The following ERRFI1 variants were observed in gnomAD, a reference collection of about 807,000 sequenced individuals.
ERRFI1 encodes mitogen-inducible gene 6 protein.
A neutral mutation model predicts 14.6 loss-of-function variants in ERRFI1; 12 were observed. The observed-to-expected ratio is 0.82, with a 90% CI of 0.53 to 1.33. The LOEUF is 1.33. Ranked by LOEUF, ERRFI1 falls within the 40% of genes most tolerant of loss-of-function variation. ERRFI1 has a pLI of 0.00. For missense variants in ERRFI1, 482 were observed against 572.1 expected, an observed-to-expected ratio of 0.84 and a Z score of 1.61; for synonymous variants, 202 against 209.9, an observed-to-expected ratio of 0.96 and a Z score of 0.32.
At chr1:8,019,672 A>G (rs1641249393) in intron 1 of ERRFI1, among the ~76,000 whole-genome samples, 1 of 152,260 alleles carries the variant, frequency 6.6e-6, no homozygotes, top group Admixed American at 6.5e-5. Context: ...GCAGATTTAT[A>G]AAGGATAAAG....
rs1342474922 is a variant in ERRFI1 at position 8,015,637 on chromosome 1, C to T, written c.-18G>A. ...ATTGACATTGTGCCTTATTCTGGGA[C>T]ATCTCCAAACCTGTGAGGCCCAGGC... is the stretch of plus-strand genomic sequence containing the variant. On this transcript the variant is annotated 5_prime_UTR_variant, in exon 2 of 4. An upstream start codon of the reference 5' UTR is lost. Coordinates refer to ENST00000377482, the MANE Select transcript of ERRFI1 (RefSeq NM_018948.4). 4 of 1,613,854 alleles carry T rather than the reference C, an allele frequency of 2.5e-6. No individual in the cohort carries two copies. The highest frequency in any genetic ancestry group is 3.4e-6 in the Non-Finnish European group (4 of 1,179,904).
At position 8,013,791 on chromosome 1, in the gene ERRFI1, G is replaced by A. The variant is rs1435227023; in HGVS notation, c.808C>T (p.His270Tyr). 1.9e-6 allele frequency: 3 copies of A among 1,614,022 alleles called. No individual in the cohort carries two copies. The highest frequency in any genetic ancestry group is 2.5e-6 in the Non-Finnish European group (3 of 1,180,034). The change falls in exon 4 of 4, where the codon CAC becomes TAC. Residue 270 changes from histidine (H) to tyrosine (Y), a missense_variant. By Grantham distance (83) the His-to-Tyr change is moderately conservative (BLOSUM62 2). Transcript: ENST00000377482. The surrounding 1 kb of genome is among the most constrained non-coding windows in gnomAD (Gnocchi z 4.3). The part of the protein sequence containing the change: ...PAIRISNCCI[H>Y]RASPNSDEDK... ...TCATCGGAGTTAGGAGAAGCTCTGT[G>A]TATACAACAGTTGGATATCCTTATG...
At position 8,013,566 on chromosome 1, in the gene ERRFI1, C is replaced by A. The variant is rs1310945323; in HGVS notation, c.1033G>T (p.Val345Phe). The A allele has an allele frequency of 2.5e-6, 4 of 1,614,110 alleles. No individual in the cohort carries two copies. Among genetic ancestry groups the A allele is most frequent in the Non-Finnish European group, 3.4e-6 (4 of 1,180,028 alleles). The change falls in exon 4 of 4, where the codon GTC becomes TTC. Residue 345 changes from valine (V) to phenylalanine (F), a missense_variant. Transcript: ENST00000377482. This position sits in a 1 kb window ranked among gnomAD's most constrained non-coding sequence, Gnocchi z 4.3. ...PKSLPSYLNG[V>F]MPPTQSFAPD... ...GCAAAGCTCTGTGTCGGGGGCATGA[C>A]CCCATTGAGGTAAGACGGAAGGCTT...
chr1:8,016,546 C>A (rs561945092), intron 1 of ERRFI1, among the ~76,000 whole-genome samples: 1 of 152,320 alleles, frequency 6.6e-6, no homozygotes, highest in Middle Eastern at 3.4e-3. Context: ...GACCGCCAAT[C>A]CCCTTTGTCA....
intron 1 of ERRFI1, among the ~76,000 whole-genome samples, chr1:8,024,541 C>T (rs901077683): frequency 6.6e-6 from 1 of 152,170 alleles, no homozygotes; most frequent in Admixed American, 6.5e-5. Context: ...AGAGTGCCTA[C>T]CCTTAAGGAG....
intron 1 of ERRFI1, among the ~76,000 whole-genome samples, chr1:8,023,109 A>C (rs1215625320): frequency 5.3e-5 from 8 of 152,200 alleles, no homozygotes; most frequent in African/African-American, 1.9e-4. Context: ...TAAGAGTCAG[A>C]AGACAATTCT....
At chr1:8,023,175 G>C (rs1464586004) in intron 1 of ERRFI1, among the ~76,000 whole-genome samples, 1 of 152,126 alleles carries the variant, frequency 6.6e-6, no homozygotes, top group African/African-American at 2.4e-5. Context: ...TTCACATCTG[G>C]GGTATTGAAT....
chr1:8,026,035 C>T (rs980906824), intron 1 of ERRFI1, 123 bp downstream of exon 1: 1 of 151,660 alleles, frequency 6.6e-6, no homozygotes, highest in African/African-American at 2.4e-5. Context: ...CCTCCCCGCG[C>T]CCTCCACGCC....
chr1:8,025,551 G>A (rs750916775), intron 1 of ERRFI1, among the ~76,000 whole-genome samples: 18 of 152,138 alleles, frequency 1.2e-4, no homozygotes, highest in Admixed American at 6.6e-5. Flanking sequence ...GACCGCCAGA[G>A]AACCGGTACC....
chr1:8,026,101 G>A (rs1233988126), intron 1 of ERRFI1, 57 bp downstream of exon 1: 4 of 151,708 alleles, frequency 2.6e-5, no homozygotes, highest in African/African-American at 7.3e-5. Flanking sequence ...GGGGCCCCCT[G>A]AGGGAACGGA....
At chr1:8,017,986 TTTC>T (rs1289080825) in intron 1 of ERRFI1, among the ~76,000 whole-genome samples, 5 of 152,190 alleles carry the variant, frequency 3.3e-5, no homozygotes, top group African/African-American at 1.2e-4. Context: ...ACTTGTTAGC[TTTC>T]TTAAGAAAAA....
intron 1 of ERRFI1, among the ~76,000 whole-genome samples, chr1:8,021,134 A>C (rs536113943): frequency 3.9e-4 from 59 of 152,342 alleles, no homozygotes; most frequent in African/African-American, 1.4e-3. Flanking sequence ...GAGGCTCTTA[A>C]ACATGTCCAG....
chr1:8,025,523 G>A (rs192568819), intron 1 of ERRFI1, among the ~76,000 whole-genome samples: 1 of 152,292 alleles, frequency 6.6e-6, no homozygotes, highest in African/African-American at 2.4e-5. Context: ...TGTGAGATTA[G>A]GCAGAGGGAG....
Position 8,014,261 on chromosome 1 carries a change from C to A in ERRFI1, c.338G>T (p.Cys113Phe), listed in dbSNP as rs746303069. 1 of 1,614,066 alleles carries A rather than the reference C, an allele frequency of 6.2e-7. No individual in the cohort carries two copies. The highest frequency in any genetic ancestry group is 1.3e-5 in the African/African-American group (1 of 74,920). The change falls in exon 4 of 4, where the codon TGT becomes TTT. Residue 113 changes from cysteine to phenylalanine, a missense_variant. Transcript: ENST00000377482. ...ATTCACTGTGAGTTTCTTAAAACCA[C>A]ATACAACTTGATCCTCTTCATGTGG... The part of the protein sequence containing the change: ...LGPHEEDQVV[C>F]GFKKLTVNGV...
In ERRFI1 at chr1:8,015,401, C is replaced by A. The variant is rs1423960779; in HGVS notation, c.126-17G>T. ...AAAAAGTTGCTGAAAGGAGAGGAAG[C>A]TACTTTGGTCATAAGCGAAGAGCAA... On this transcript the variant is annotated splice_polypyrimidine_tract_variant and intron_variant, in intron 2 of 3. Coordinates refer to ENST00000377482, the MANE Select transcript of ERRFI1 (RefSeq NM_018948.4). 1.2e-6 allele frequency: 2 copies of A among 1,613,954 alleles called. No homozygotes were observed. The highest frequency in any genetic ancestry group is 2.7e-5 in the African/African-American group (2 of 74,910).
intron 1 of ERRFI1, among the ~76,000 whole-genome samples, chr1:8,016,691 G>A (rs1641178654): frequency 6.6e-6 from 1 of 151,996 alleles, no homozygotes. Context: ...TTTTTCCTTA[G>A]GCACCAGGAT....
In ERRFI1 at chr1:8,015,331, G is replaced by A; in HGVS notation, c.179C>T (p.Ala60Val). 1.2e-6 allele frequency: 2 copies of A among 1,614,156 alleles called. No homozygotes were observed. Among genetic ancestry groups the A allele is most frequent in the Non-Finnish European group, 8.5e-7 (1 of 1,179,980 alleles). The change falls in exon 3 of 4, where the codon GCT becomes GTT. Residue 60 changes from alanine (A) to valine (V), a missense_variant. Ala to Val is a moderately conservative substitution (Grantham distance 64). Coordinates refer to ENST00000377482, the MANE Select transcript of ERRFI1 (RefSeq NM_018948.4). The stretch of plus-strand genomic sequence containing the variant: ...ACCAAGTGGTATTAGGCGCTCCTGA[G>A]CAGAAGAGTTCAGACTGTAGGCCAT... Reference protein sequence around the residue: ...ITMAYSLNSSAQERLIPLGHA... With the variant: ...ITMAYSLNSSVQERLIPLGHA...
In ERRFI1 at chr1:8,015,521, G is replaced by A. The variant is rs1641160786; in HGVS notation, c.99C>T (p.Tyr33=). 3.1e-6 allele frequency: 5 copies of A among 1,614,060 alleles called. No individual in the cohort carries two copies. Among genetic ancestry groups the A allele is most frequent in the African/African-American group, 1.3e-5 (1 of 74,926 alleles). The part of the protein sequence containing the change: ...GRAMGNMRKT[Y]WSSRSEFKNN... ...TTTTAAACTCACTGCGACTGCTCCAGTAGGTCTTCCTCATATTCCCCATGG... is the reference window on the plus strand; with the variant it reads ...TTTTAAACTCACTGCGACTGCTCCAATAGGTCTTCCTCATATTCCCCATGG... The change falls in exon 2 of 4, where the codon TAC becomes TAT. Residue 33 remains tyrosine, a synonymous_variant. Transcript: ENST00000377482.
intron 1 of ERRFI1, among the ~76,000 whole-genome samples, chr1:8,018,490 A>G (rs757161753): frequency 1.3e-5 from 2 of 151,878 alleles, no homozygotes; most frequent in Non-Finnish European, 2.9e-5. Context: ...CTGTCTTACA[A>G]CTCATTAGAG....
Sources: allele counts gnomAD v4.1 joint callset (sites outside exome capture counted in the v4.1 genomes callset), GRCh38; gene constraint gnomAD v4.1.1; non-coding constraint Gnocchi (gnomAD v3.1); transcripts MANE v1.5; gene names NCBI Gene and HGNC (gene_info 2026-07-23, HGNC 2026-07-21).